NAV2: variants seen among roughly 807,000 people sequenced by gnomAD.
The protein encoded by NAV2 is neuron navigator 2, also known as helicase, APC down-regulated 1.
NAV2 carries 54 observed loss-of-function variants against 223.2 expected under a neutral mutation model. The ratio of observed to expected loss-of-function variants is 0.24; its 90% CI spans 0.19 to 0.30. NAV2 has a LOEUF of 0.30. Among genes scored for constraint, NAV2 ranks in the 10% least tolerant of loss-of-function variants. The probability of loss-of-function intolerance (pLI) is 1.00; values close to 1 mark genes in which losing one functional copy is unlikely to be tolerated. For missense variants in NAV2, 2,806 were observed against 3,147.5 expected (o/e 0.89, Z 2.60); for synonymous variants, 1,279 against 1,239.3 (o/e 1.03, Z -0.67).
At chr11:19,682,246 G>A (rs1222511034) in intron 1 of NAV2, among the ~76,000 whole-genome samples, 3 of 152,194 alleles carry the variant, frequency 2.0e-5, no homozygotes, top group Non-Finnish European at 2.9e-5. Flanking sequence ...ATAATACCAT[G>A]CTAATAATAA....
At chr11:19,604,389 T>G (rs1344702971) in intron 1 of NAV2, among the ~76,000 whole-genome samples, 1 of 151,904 alleles carries the variant, frequency 6.6e-6, no homozygotes, top group Non-Finnish European at 1.5e-5. Flanking sequence ...ATGGATGGTG[T>G]ATAGAGTGTG....
intron 31 of NAV2, among the ~76,000 whole-genome samples, chr11:20,098,924 T>C (rs2061456263): frequency 6.6e-6 from 1 of 152,234 alleles, no homozygotes. Flanking sequence ...TATTGAGCTC[T>C]TTGTACCTGG....
chr11:19,697,911 C>A (rs145862755), intron 1 of NAV2, among the ~76,000 whole-genome samples: 3 of 152,160 alleles, frequency 2.0e-5, no homozygotes, highest in East Asian at 3.8e-4. Context: ...GTTATCGTAA[C>A]GCTGGGGTCA....
intron 1 of NAV2, among the ~76,000 whole-genome samples, chr11:19,467,277 A>G (rs1852401598): frequency 6.6e-6 from 1 of 152,210 alleles, no homozygotes; most frequent in Non-Finnish European, 1.5e-5. Flanking sequence ...TTCTGTGAGT[A>G]TACCGTAATT....
chr11:19,365,961 C>T (rs577632842), intron 1 of NAV2, among the ~76,000 whole-genome samples: 2 of 152,226 alleles, frequency 1.3e-5, no homozygotes, highest in Non-Finnish European at 2.9e-5. Flanking sequence ...GGAGAGCCAC[C>T]TTTGCCCTTT....
chr11:19,879,777 T>TAAAG lies in NAV2; in HGVS notation c.512-88_512-85dup, dbSNP rs2063084380. On this transcript the variant is annotated intron_variant, in intron 4 of 37. Coordinates refer to ENST00000349880, the MANE Select transcript of NAV2 (RefSeq NM_145117.5). Reference sequence around the variant, plus strand: ...AGTGTTCAGGAAGCCTGTCATATCCTAAAGAAATCAAACTCACGTGCCGAC... The same window carrying TAAAG: ...AGTGTTCAGGAAGCCTGTCATATCCTAAAGAAAGAAATCAAACTCACGTGCCGAC... 15 of 1,469,590 alleles carry TAAAG rather than the reference T, an allele frequency of 1.0e-5. No homozygotes were observed. The South Asian group carries it at 1.6e-4, about 15-fold the overall frequency. 91.0% of individuals were successfully genotyped at this position (1,469,590 alleles called of 1,614,324 possible). A position where few individuals can be genotyped will look rare whatever the true frequency, so the allele number is the denominator to read the frequency against.
At chr11:19,350,085 C>CTGATGATGATGATGA (rs3077390), upstream of NAV2, among the ~76,000 whole-genome samples, 8,917 of 149,670 alleles carry the variant, frequency 0.06, 385 homozygotes, top group Admixed American at 0.14. Context: ...CCTTATTCCT[C>CTGATGATGATGATGA]TGATGATGAT....
At chr11:19,501,378 A>G (rs2042958655) in intron 1 of NAV2, among the ~76,000 whole-genome samples, 1 of 152,012 alleles carries the variant, frequency 6.6e-6, no homozygotes, top group Non-Finnish European at 1.5e-5. Context: ...CATTTCCAGT[A>G]CCTCATCTAA....
chr11:19,975,664 T>C (rs1297571007), intron 10 of NAV2, among the ~76,000 whole-genome samples: 1 of 152,226 alleles, frequency 6.6e-6, no homozygotes, highest in Non-Finnish European at 1.5e-5. Flanking sequence ...TGAGCCTGTG[T>C]GCTAAAACTC....
At chr11:19,431,316 C>G (rs760252582) in intron 1 of NAV2, among the ~76,000 whole-genome samples, 1 of 152,262 alleles carries the variant, frequency 6.6e-6, no homozygotes, top group South Asian at 2.1e-4. Context: ...CTGCGTTTAA[C>G]GACTGCTGAA....
At chr11:19,924,298 A>C (rs1340242479) in intron 6 of NAV2, among the ~76,000 whole-genome samples, 1 of 151,716 alleles carries the variant, frequency 6.6e-6, no homozygotes, top group Non-Finnish European at 1.5e-5. Flanking sequence ...AATTCTTTAA[A>C]AAAAAAAAAA....
intron 10 of NAV2, among the ~76,000 whole-genome samples, chr11:19,953,893 T>C (rs904594348): frequency 6.6e-6 from 1 of 151,786 alleles, no homozygotes; most frequent in Admixed American, 6.6e-5. Flanking sequence ...CTTTCTCCAC[T>C]AAACTTGGAG....
At chr11:19,486,005 C>A (rs1311596768) in intron 1 of NAV2, among the ~76,000 whole-genome samples, 9 of 152,172 alleles carry the variant, frequency 5.9e-5, no homozygotes, top group African/African-American at 2.2e-4. Context: ...CTGATGCCAG[C>A]AGACAAGCTT....
At chr11:19,753,795 C>A (rs2152509251) in intron 1 of NAV2, among the ~76,000 whole-genome samples, 1 of 152,348 alleles carries the variant, frequency 6.6e-6, no homozygotes, top group East Asian at 1.9e-4. Context: ...CATTCCAGGC[C>A]CATGGAGAGC....
intron 1 of NAV2, among the ~76,000 whole-genome samples, chr11:19,509,917 G>A (rs1010705119): frequency 6.6e-6 from 1 of 152,064 alleles, no homozygotes; most frequent in Non-Finnish European, 1.5e-5. Flanking sequence ...CTTCAAGGAT[G>A]GGTCTGAGGT....
At chr11:19,524,541 G>A (rs780128012) in intron 1 of NAV2, among the ~76,000 whole-genome samples, 1 of 152,150 alleles carries the variant, frequency 6.6e-6, no homozygotes, top group South Asian at 2.1e-4. Context: ...CGTCTGGCAT[G>A]GTTGATGTTT....
chr11:19,527,937 G>GACACACACAC (rs67561376), intron 1 of NAV2, among the ~76,000 whole-genome samples: 2,600 of 143,300 alleles, frequency 0.018, 40 homozygotes, highest in African/African-American at 0.029. Context: ...TCCCTGCCCT[G>GACACACACAC]ACACACACAC....
At chr11:19,546,284 T>A (rs2134591029) in intron 1 of NAV2, among the ~76,000 whole-genome samples, 1 of 152,310 alleles carries the variant, frequency 6.6e-6, no homozygotes, top group Middle Eastern at 3.4e-3. Context: ...GCTCAGAGAT[T>A]CCCTCTCTCA....
chr11:19,626,018 C>A (rs1401545652), intron 1 of NAV2, among the ~76,000 whole-genome samples: 1 of 152,140 alleles, frequency 6.6e-6, no homozygotes, highest in East Asian at 1.9e-4. Flanking sequence ...CCTTACTGTG[C>A]AGAAGCTTTG....
Sources: gnomAD v4.1 joint callset for allele counts (sites outside exome capture counted in the v4.1 genomes callset) on GRCh38, gnomAD v4.1.1 for gene constraint, MANE v1.5 for transcripts, NCBI Gene and HGNC (gene_info 2026-07-23, HGNC 2026-07-21) for gene names.